The following ZFAND3 variants were observed in gnomAD, a reference collection of about 807,000 sequenced individuals.
ZFAND3 encodes zinc finger AN1-type containing 3, also known as AN1-type zinc finger protein 3.
In ZFAND3, 10 loss-of-function variants were observed where a neutral mutation model predicts 29.6. That is an observed-to-expected ratio of 0.34 (90% CI 0.21 to 0.57). The LOEUF (loss-of-function observed/expected upper bound fraction) is 0.57, where lower values mean the gene tolerates loss of function less well. ZFAND3 is among the 20% of genes least tolerant of loss of function. The pLI, the probability that ZFAND3 is intolerant of heterozygous loss-of-function variation, is 0.86. For synonymous variants in ZFAND3, 128 were observed against 112.6 expected, an observed-to-expected ratio of 1.14 and a Z score of -0.87; for missense variants, 230 against 304.5, an observed-to-expected ratio of 0.76 and a Z score of 1.82.
At chr6:38,041,701 TC>T (rs1763776415) in intron 2 of ZFAND3, among the ~76,000 whole-genome samples, 2 of 448 alleles carry the variant, frequency 4.5e-3, no homozygotes, top group African/African-American at 6.7e-3. Context: ...CTCCTTCTCC[TC>T]CTCCTCCTCC....
intron 1 of ZFAND3, among the ~76,000 whole-genome samples, chr6:37,926,181 A>G (rs573301966): frequency 7.2e-4 from 110 of 152,340 alleles, no homozygotes; most frequent in Non-Finnish European, 1.4e-3. Flanking sequence ...GCTGAATGCT[A>G]CTGAGAGGGA....
intron 3 of ZFAND3, among the ~76,000 whole-genome samples, chr6:38,071,373 A>G (rs938560335): frequency 7.9e-5 from 12 of 152,132 alleles, no homozygotes; most frequent in Admixed American, 3.3e-4. Flanking sequence ...TCTTGAGCCC[A>G]TCTGGAATTT....
chr6:37,924,984 A>C (rs1761456199), intron 1 of ZFAND3, among the ~76,000 whole-genome samples: 1 of 152,064 alleles, frequency 6.6e-6, no homozygotes, highest in Non-Finnish European at 1.5e-5. Flanking sequence ...AGAAAAGGCA[A>C]GCATGGTTGA....
At position 37,963,107 on chromosome 6, in the gene ZFAND3, T is replaced by G. The variant is rs115180948; in HGVS notation, c.112+33108T>G. On this transcript the variant is annotated intron_variant, in intron 2 of 5. Coordinates refer to ENST00000287218, the MANE Select transcript of ZFAND3 (RefSeq NM_021943.3). ...CTCTGGACACACCATCTTTATGAAC[T>G]GTAACACTCGCTGCGAGGGTCCGCA... 5.7e-3 allele frequency among the ~76,000 whole-genome samples: 874 copies of G among 152,232 alleles called. 8 individuals are homozygous for G. Among genetic ancestry groups the G allele is most frequent in the African/African-American group, 0.02 (838 of 41,530 alleles).
intron 1 of ZFAND3, among the ~76,000 whole-genome samples, chr6:37,847,505 T>C (rs1046170835): frequency 1.3e-5 from 2 of 152,008 alleles, no homozygotes; most frequent in African/African-American, 4.8e-5. Flanking sequence ...ACCCAGGAGG[T>C]AGAGGTTGCA....
chr6:38,013,146 A>G (rs1035811524), intron 2 of ZFAND3, among the ~76,000 whole-genome samples: 2 of 152,214 alleles, frequency 1.3e-5, no homozygotes, highest in African/African-American at 4.8e-5. Flanking sequence ...CCTAATTCCT[A>G]ATACACGAAT....
At chr6:38,119,306 T>C (rs1392569085) in intron 5 of ZFAND3, among the ~76,000 whole-genome samples, 1 of 152,178 alleles carries the variant, frequency 6.6e-6, no homozygotes, top group South Asian at 2.1e-4. Context: ...GAGAGATGTT[T>C]AACTGCCCTG....
chr6:38,025,854 A>G (rs1400945567), intron 2 of ZFAND3, among the ~76,000 whole-genome samples: 1 of 152,226 alleles, frequency 6.6e-6, no homozygotes, highest in Non-Finnish European at 1.5e-5. Context: ...TGTTTTGCTT[A>G]GAGCTGCCGG....
intron 3 of ZFAND3, among the ~76,000 whole-genome samples, chr6:38,069,262 A>G (rs979665197): frequency 4.6e-5 from 7 of 152,322 alleles, no homozygotes; most frequent in Non-Finnish European, 1.0e-4. Flanking sequence ...AATATTGCCT[A>G]TTAAAAAATA....
At chr6:37,860,639 T>TG (rs1764470175) in intron 1 of ZFAND3, among the ~76,000 whole-genome samples, 1 of 119,388 alleles carries the variant, frequency 8.4e-6, no homozygotes, top group Non-Finnish European at 1.9e-5. Flanking sequence ...TTCACTTAGT[T>TG]TTTTTTTTTT....
intron 2 of ZFAND3, among the ~76,000 whole-genome samples, chr6:37,986,576 A>G (rs2127434293): frequency 6.6e-6 from 1 of 152,254 alleles, no homozygotes; most frequent in Non-Finnish European, 1.5e-5. Context: ...TAAGCGTTTA[A>G]TTAGTGAAAA....
At chr6:38,041,656 T>C (rs6912458) in intron 2 of ZFAND3, among the ~76,000 whole-genome samples, 15,882 of 45,540 alleles carry the variant, frequency 0.35, 1,484 homozygotes, top group East Asian at 0.61. Flanking sequence ...CTTCTTCTTC[T>C]TCTTCTTCTT....
intron 1 of ZFAND3, among the ~76,000 whole-genome samples, chr6:37,854,708 T>C (rs1264070447): frequency 6.6e-6 from 1 of 151,718 alleles, no homozygotes; most frequent in Non-Finnish European, 1.5e-5. Context: ...GTTTTGATTC[T>C]AGAACTCTCT....
intron 1 of ZFAND3, among the ~76,000 whole-genome samples, chr6:37,822,671 G>C (rs1216673032): frequency 6.6e-6 from 1 of 152,164 alleles, no homozygotes; most frequent in Non-Finnish European, 1.5e-5. Flanking sequence ...TACCCTAGCT[G>C]GGGTGGAGGT....
intron 2 of ZFAND3, among the ~76,000 whole-genome samples, chr6:38,008,669 T>G (rs1344670072): frequency 1.3e-5 from 2 of 152,142 alleles, no homozygotes; most frequent in African/African-American, 4.8e-5. Context: ...TCTCATCTTC[T>G]TCCCTTTGTC....
At position 38,079,477 on chromosome 6, in the gene ZFAND3, C is replaced by G. The variant is rs916936873; in HGVS notation, c.296-2915C>G. Among the ~76,000 whole-genome samples, 10 of 152,284 alleles carry G rather than the reference C, an allele frequency of 6.6e-5. 1 individual carries two copies. The highest frequency in any genetic ancestry group is 3.3e-4 in the Admixed American group (5 of 15,290). On this transcript the variant is annotated intron_variant, in intron 3 of 5. Coordinates refer to ENST00000287218, the MANE Select transcript of ZFAND3 (RefSeq NM_021943.3). The stretch of plus-strand genomic sequence containing the variant: ...CTAGAAATTTTTAAAAGAATAAACT[C>G]TCAACCTAAAGACAAGGTAAAGATT...
chr6:38,140,283 A>G (rs1765922573), intron 5 of ZFAND3, among the ~76,000 whole-genome samples: 1 of 152,212 alleles, frequency 6.6e-6, no homozygotes, highest in Non-Finnish European at 1.5e-5. Context: ...AAGAGTGTGA[A>G]GAGTGTAGGA....
chr6:38,129,481 T>C, intron 5 of ZFAND3, among the ~76,000 whole-genome samples: 1 of 152,360 alleles, frequency 6.6e-6, no homozygotes, highest in African/African-American at 2.4e-5. Context: ...CTTTAACCCA[T>C]CTTGAGTTGA....
Position 38,152,417 on chromosome 6 carries a change from T to A in ZFAND3, c.*28T>A, listed in dbSNP as rs1766247817. ...GCCAGGCATGGCCACCACGTGACGC[T>A]GTTCTTAGTTCACTAATGTTAGCCT... On this transcript the variant is annotated 3_prime_UTR_variant, in exon 6 of 6. Coordinates refer to ENST00000287218, the MANE Select transcript of ZFAND3 (RefSeq NM_021943.3). The A allele has an allele frequency of 1.3e-6, 2 of 1,534,284 alleles. No individual in the cohort carries two copies. Among genetic ancestry groups the A allele is most frequent in the African/African-American group, 2.8e-5 (2 of 72,208 alleles).
Sources: allele counts gnomAD v4.1 joint callset (sites outside exome capture counted in the v4.1 genomes callset), GRCh38; gene constraint gnomAD v4.1.1; transcripts MANE v1.5; gene names NCBI Gene and HGNC (gene_info 2026-07-23, HGNC 2026-07-21).